The following SKA3 variants were observed in gnomAD, a reference collection of about 807,000 sequenced individuals.
SKA3 encodes spindle and kinetochore-associated protein 3.
In SKA3, 39 loss-of-function variants were observed where a neutral mutation model predicts 44.2. That is an observed-to-expected ratio of 0.88 (90% CI 0.68 to 1.15). SKA3 has a LOEUF of 1.15. SKA3 is among the 50% of genes most tolerant of loss of function. The pLI is 0.00. For synonymous variants in SKA3, 192 were observed against 172.0 expected, an observed-to-expected ratio of 1.12 and a Z score of -0.91; for missense variants, 511 against 485.8, an observed-to-expected ratio of 1.05 and a Z score of -0.49.
At chr13:21,161,673 G>A in intron 5 of SKA3, 117 bp downstream of exon 5, 1 of 558,600 alleles carries the variant, frequency 1.8e-6, no homozygotes, top group African/African-American at 1.9e-5. Flanking sequence ...GTAATCCAAT[G>A]TTAGGAATTA....
chr13:21,153,964 C>T lies in SKA3; in HGVS notation c.*1186G>A, dbSNP rs1352051615. 1.3e-5 allele frequency: 2 copies of T among 152,154 alleles called. No individual in the cohort carries two copies. The highest frequency in any genetic ancestry group is 1.3e-4 in the Admixed American group (2 of 15,276). 9.4% of individuals were successfully genotyped at this position (152,154 alleles called of 1,614,324 possible). ...TAATAAAAATAATACTTACAACTAC[C>T]CAGTAACTCCTAGAACAAGGACAAA... On this transcript the variant is annotated 3_prime_UTR_variant, in exon 9 of 9. Transcript: ENST00000314759.
At chr13:21,167,267 A>G (rs1358507696) in intron 4 of SKA3, among the ~76,000 whole-genome samples, 1 of 152,136 alleles carries the variant, frequency 6.6e-6, no homozygotes, top group Non-Finnish European at 1.5e-5. Context: ...CCCTTTTCCC[A>G]TGTCTCCATA....
chr13:21,162,056 T>G (rs1870472098), intron 4 of SKA3, among the ~76,000 whole-genome samples, 181 bp from the exon 5 acceptor site: 1 of 152,220 alleles, frequency 6.6e-6, no homozygotes, highest in Non-Finnish European at 1.5e-5. Context: ...ACAAAAAGGT[T>G]AAGGACCACT....
chr13:21,175,921 T>C (rs1871481808), intron 1 of SKA3, among the ~76,000 whole-genome samples: 1 of 152,214 alleles, frequency 6.6e-6, no homozygotes. Flanking sequence ...TAAAGAACGT[T>C]AAATAGCTTG....
In SKA3 at chr13:21,159,909, A is replaced by G. The variant is rs1465661226; in HGVS notation, c.908T>C (p.Ile303Thr). ...AATTTTATGGAAAGTTACCAAAGCT[A>G]TGCTGTTCTTTGTAGATGGAATTTT... ...GLKIPSTKNS[I>T]ALVSTNYPLS... is the part of the protein sequence containing the mutation. The change falls in exon 6 of 9, where the codon ATA (isoleucine) becomes ACA (threonine). Residue 303 changes from isoleucine (I) to threonine (T), a missense_variant. Coordinates refer to ENST00000314759, the MANE Select transcript of SKA3 (RefSeq NM_145061.6). 2 of 1,606,736 alleles carry G rather than the reference A, an allele frequency of 1.2e-6. No individual in the cohort carries two copies. The highest frequency in any genetic ancestry group is 1.7e-5 in the Admixed American group (1 of 58,382).
chr13:21,159,726 A>G (rs1870329004), intron 6 of SKA3, among the ~76,000 whole-genome samples, 176 bp downstream of exon 6: 1 of 152,172 alleles, frequency 6.6e-6, no homozygotes, highest in African/African-American at 2.4e-5. Context: ...TATGAAAAAT[A>G]TTTTTTAGAG....
chr13:21,168,320 A>C lies in SKA3; in HGVS notation c.411T>G (p.Asp137Glu). 1.9e-6 allele frequency: 3 copies of C among 1,614,156 alleles called. No individual in the cohort carries two copies. The highest frequency in any genetic ancestry group is 2.5e-6 in the Non-Finnish European group (3 of 1,180,036). Reference protein sequence around the residue: ...ENFQKTDVKDDLSDPPVASSC... With the variant: ...ENFQKTDVKDELSDPPVASSC... ...TGCTTGCAACAGGAGGATCAGACAG[A>C]TCATCTTTCACATCAGTCTTCTGAA... The change falls in exon 4 of 9, where the codon GAT becomes GAG. Residue 137 changes from aspartate (D) to glutamate (E), a missense_variant. Asp to Glu is a conservative substitution (Grantham distance 45). Transcript: ENST00000314759.
chr13:21,157,973 G>A lies in SKA3; in HGVS notation c.1068C>T (p.Leu356=), dbSNP rs1194164614. Residue 356 remains leucine, a synonymous_variant, in exon 7 of 9, where the codon CTC becomes CTT. Coordinates refer to ENST00000314759, the MANE Select transcript of SKA3 (RefSeq NM_145061.6). ...TTACTTCCGGAGGTGTAGGTGTTCTGAGCAGATTCTCATAAGAAGAAATCG... is the reference window on the plus strand; with the variant it reads ...TTACTTCCGGAGGTGTAGGTGTTCTAAGCAGATTCTCATAAGAAGAAATCG... The part of the protein sequence containing the change: ...SPTISSYENL[L]RTPTPPEVTK... The A allele has an allele frequency of 1.2e-6, 2 of 1,612,688 alleles. No individual in the cohort carries two copies. Among genetic ancestry groups the A allele is most frequent in the Admixed American group, 3.3e-5 (2 of 59,960 alleles).
chr13:21,165,196 G>T (rs1277772767), intron 4 of SKA3, among the ~76,000 whole-genome samples: 1 of 151,438 alleles, frequency 6.6e-6, no homozygotes, highest in South Asian at 2.1e-4. Flanking sequence ...GATCACTTGA[G>T]GCCAGGACTT....
In SKA3 at chr13:21,154,019, G is replaced by T. The variant is rs1252556077; in HGVS notation, c.*1131C>A. 1 of 152,194 alleles carries T rather than the reference G, an allele frequency of 6.6e-6. No individual in the cohort carries two copies. The highest frequency in any genetic ancestry group is 1.5e-5 in the Non-Finnish European group (1 of 68,030). 9.4% of individuals were successfully genotyped at this position (152,194 alleles called of 1,614,324 possible). A position where few individuals can be genotyped will look rare whatever the true frequency, so the allele number is the denominator to read the frequency against. ...AGTTTTGTTTTGGTGACAGTTTTCT[G>T]ACAAGATTAATAGAGCACAATGGAC... On this transcript the variant is annotated 3_prime_UTR_variant, in exon 9 of 9. Coordinates refer to ENST00000314759, the MANE Select transcript of SKA3 (RefSeq NM_145061.6).
rs542836057 is a variant in SKA3, at chr13:21,171,105, G to A, written c.331+1234C>T. On this transcript the variant is annotated intron_variant, in intron 3 of 8. Coordinates refer to ENST00000314759, the MANE Select transcript of SKA3 (RefSeq NM_145061.6). ...ACCATGCCCAGCTAATTTTGTAAAA[G>A]AATTTTTTGTAGAGACAGAGTCTCA... is the stretch of plus-strand genomic sequence containing the variant. Among the ~76,000 whole-genome samples, 27 of 152,130 alleles carry A rather than the reference G, an allele frequency of 1.8e-4. No homozygotes were observed. The South Asian group carries it at 5.2e-3, about 29-fold the overall frequency.
Position 21,154,314 on chromosome 13 carries a change from A to C in SKA3, c.*836T>G, listed in dbSNP as rs1357942223. 2 of 152,372 alleles carry C rather than the reference A, an allele frequency of 1.3e-5. No individual in the cohort carries two copies. The highest frequency in any genetic ancestry group is 4.8e-5 in the African/African-American group (2 of 41,456). The allele number at this position is 152,372 out of a possible 1,614,324, so 9.4% of individuals were successfully genotyped here. ...GATCGTAGGCCTGATAAGCAGGTCAACCTGAAGCTACCAGGCAGCTCTGGA... is the reference window on the plus strand; with the variant it reads ...GATCGTAGGCCTGATAAGCAGGTCACCCTGAAGCTACCAGGCAGCTCTGGA... On this transcript the variant is annotated 3_prime_UTR_variant, in exon 9 of 9. Coordinates refer to ENST00000314759, the MANE Select transcript of SKA3 (RefSeq NM_145061.6).
intron 4 of SKA3, among the ~76,000 whole-genome samples, chr13:21,165,192 T>C (rs774230892): frequency 4.0e-5 from 6 of 151,830 alleles, no homozygotes; most frequent in Non-Finnish European, 8.8e-5. Flanking sequence ...TCAGGATCAC[T>C]TGAGGCCAGG....
intron 4 of SKA3, among the ~76,000 whole-genome samples, chr13:21,166,825 T>A (rs1287629710): frequency 1.3e-5 from 2 of 152,212 alleles, no homozygotes; most frequent in African/African-American, 4.8e-5. Flanking sequence ...GACCAGTTCT[T>A]AGGTTTATCA....
intron 1 of SKA3, 26 bp downstream of exon 1, chr13:21,176,349 G>A (rs895573756): frequency 5.0e-6 from 6 of 1,210,916 alleles, no homozygotes; most frequent in African/African-American, 3.0e-5. Flanking sequence ...CCCACGCACC[G>A]TGCCCTGGCC....
At chr13:21,171,656 A>G (rs1871058616) in intron 3 of SKA3, among the ~76,000 whole-genome samples, 1 of 152,150 alleles carries the variant, frequency 6.6e-6, no homozygotes, top group African/African-American at 2.4e-5. Flanking sequence ...TGGGTGACTG[A>G]CATGCTAGGA....
Position 21,158,024 on chromosome 13 carries a change from C to T in SKA3, c.1017G>A (p.Glu339=), listed in dbSNP as rs759208587. 6.2e-6 allele frequency: 10 copies of T among 1,613,336 alleles called. No homozygotes were observed. The highest frequency in any genetic ancestry group is 7.6e-6 in the Non-Finnish European group (9 of 1,179,392). The stretch of plus-strand genomic sequence containing the variant: ...TAGGTGAAGAGGGATCTGTTAAATT[C>T]TCAAAGCATGTGTCTGAATTTAAAA... ...SLVLNSDTCF[E]NLTDPSSPTI... Residue 339 remains glutamate (E), a synonymous_variant, in exon 7 of 9, where the codon GAG becomes GAA. Transcript: ENST00000314759.
rs987481147 is a variant in SKA3, at chr13:21,176,511, G to A, written c.-34C>T. 2.2e-5 allele frequency: 32 copies of A among 1,424,054 alleles called. No individual in the cohort carries two copies. The highest frequency in any genetic ancestry group is 2.8e-5 in the Non-Finnish European group (30 of 1,071,982). The allele number at this position is 1,424,054 out of a possible 1,614,324, so 88.2% of individuals were successfully genotyped here. A position where few individuals can be genotyped will look rare whatever the true frequency, so the allele number is the denominator to read the frequency against. ...CAGCGGGGAAGGACTCCAGGCGTAC[G>A]CAGACCCCACCGCTCAGCTCACAGC... On this transcript the variant is annotated 5_prime_UTR_variant, in exon 1 of 9. Transcript: ENST00000314759.
chr13:21,154,428 G>A lies in SKA3; in HGVS notation c.*722C>T, dbSNP rs528844308. 1 of 152,986 alleles carries A rather than the reference G, an allele frequency of 6.5e-6. No individual in the cohort carries two copies. Among genetic ancestry groups the A allele is most frequent in the South Asian group, 2.1e-4 (1 of 4,854 alleles). 9.5% of individuals were successfully genotyped at this position (152,986 alleles called of 1,614,324 possible). ...CCTTTTAGAGAGAGTGAAATTCAGGGTCTACTGGGTGTCCAAGCTGCAGAG... is the reference window on the plus strand; with the variant it reads ...CCTTTTAGAGAGAGTGAAATTCAGGATCTACTGGGTGTCCAAGCTGCAGAG... On this transcript the variant is annotated 3_prime_UTR_variant, in exon 9 of 9. Coordinates refer to ENST00000314759, the MANE Select transcript of SKA3 (RefSeq NM_145061.6).
Sources: allele counts gnomAD v4.1 joint callset (sites outside exome capture counted in the v4.1 genomes callset), GRCh38; gene constraint gnomAD v4.1.1; transcripts MANE v1.5; gene names NCBI Gene and HGNC (gene_info 2026-07-23, HGNC 2026-07-21).